Variants in NOL4 observed in about 807,000 individuals in gnomAD.
The protein encoded by NOL4 is nucleolar protein 4, also known as cancer/testis antigen 125.
A neutral mutation model predicts 75.9 loss-of-function variants in NOL4; 17 were observed. The ratio of observed to expected loss-of-function variants is 0.22; its 90% CI spans 0.15 to 0.34. The LOEUF (loss-of-function observed/expected upper bound fraction) is 0.34, where lower values mean the gene tolerates loss of function less well. Ranked by LOEUF, NOL4 falls within the 10% of genes least tolerant of loss-of-function variation. NOL4 has a pLI of 1.00. For missense variants in NOL4, 614 were observed against 793.5 expected, an observed-to-expected ratio of 0.77 and a Z score of 2.72; for synonymous variants, 292 against 289.9, an observed-to-expected ratio of 1.01 and a Z score of -0.07.
chr18:34,100,495 A>G (rs948571902), intron 4 of NOL4, among the ~76,000 whole-genome samples: 2 of 152,164 alleles, frequency 1.3e-5, no homozygotes, highest in African/African-American at 4.8e-5. Context: ...TTTAATTTTC[A>G]GACTTCAGTA....
intron 5 of NOL4, among the ~76,000 whole-genome samples, chr18:34,088,591 A>G (rs757721487): frequency 3.3e-5 from 5 of 152,092 alleles, no homozygotes; most frequent in East Asian, 1.9e-4. Context: ...TTCCTTCATA[A>G]TAAGTCCCTT....
chr18:33,924,953 G>A (rs1409121620), intron 9 of NOL4, among the ~76,000 whole-genome samples: 1 of 152,070 alleles, frequency 6.6e-6, no homozygotes, highest in Non-Finnish European at 1.5e-5. Flanking sequence ...GGACAGCTGT[G>A]CCACTCTCAA....
chr18:34,000,136 G>A (rs898389586), intron 6 of NOL4, among the ~76,000 whole-genome samples: 3 of 152,096 alleles, frequency 2.0e-5, no homozygotes, highest in African/African-American at 7.2e-5. Flanking sequence ...TCCAGGTTAG[G>A]TAGATAACAA....
intron 5 of NOL4, chr18:34,048,568 C>T (rs188961678): frequency 1.0e-6 from 1 of 985,368 alleles, no homozygotes; most frequent in Non-Finnish European, 1.2e-6. Flanking sequence ...TCTGACTTCC[C>T]CTAAATTCTC....
At chr18:33,898,958 G>A (rs1053944646) in intron 9 of NOL4, among the ~76,000 whole-genome samples, 2 of 152,084 alleles carry the variant, frequency 1.3e-5, no homozygotes, top group African/African-American at 2.4e-5. Flanking sequence ...AATTTTGCCT[G>A]TAACCTCACA....
At chr18:33,885,940 T>C (rs1244163708) in intron 9 of NOL4, among the ~76,000 whole-genome samples, 1 of 152,148 alleles carries the variant, frequency 6.6e-6, no homozygotes, top group African/African-American at 2.4e-5. Context: ...AAAGGATGAA[T>C]GAATACAGAA....
At chr18:34,078,028 T>C (rs552786808) in intron 5 of NOL4, among the ~76,000 whole-genome samples, 52 of 152,190 alleles carry the variant, frequency 3.4e-4, no homozygotes, top group Non-Finnish European at 5.7e-4. Context: ...AAATTCACTT[T>C]TCTCATCATA....
intron 8 of NOL4, among the ~76,000 whole-genome samples, chr18:33,953,232 G>A (rs1568118810): frequency 6.6e-6 from 1 of 150,924 alleles, no homozygotes; most frequent in South Asian, 2.1e-4. Flanking sequence ...TTTCTTTTGT[G>A]TAGGATATTT....
At chr18:34,154,652 GTT>G (rs552086110) in intron 1 of NOL4, among the ~76,000 whole-genome samples, 5 of 151,046 alleles carry the variant, frequency 3.3e-5, no homozygotes, top group Non-Finnish European at 7.4e-5. Flanking sequence ...TTTCATTCGT[GTT>G]TTTTTTGTGC....
chr18:33,890,727 T>G (rs1384729233), intron 9 of NOL4, among the ~76,000 whole-genome samples: 2 of 152,122 alleles, frequency 1.3e-5, no homozygotes, highest in Non-Finnish European at 2.9e-5. Context: ...GGAGTTTAAC[T>G]TATTAGACAT....
chr18:33,865,709 A>G (rs553305641), intron 10 of NOL4, among the ~76,000 whole-genome samples: 5 of 152,254 alleles, frequency 3.3e-5, no homozygotes, highest in South Asian at 2.1e-4. Flanking sequence ...TAGAGAAAAG[A>G]TTGATACTAC....
intron 10 of NOL4, among the ~76,000 whole-genome samples, chr18:33,879,270 T>C (rs539884033): frequency 5.9e-5 from 9 of 152,128 alleles, no homozygotes; most frequent in Non-Finnish European, 1.2e-4. Flanking sequence ...TAAACTTTTT[T>C]TAAAAAGTTA....
intron 10 of NOL4, among the ~76,000 whole-genome samples, chr18:33,881,625 C>T (rs1000056546): frequency 1.3e-5 from 2 of 151,902 alleles, no homozygotes; most frequent in African/African-American, 2.4e-5. Flanking sequence ...AATGGCCATA[C>T]TGCCCAAGGT....
chr18:34,192,364 C>T (rs1281777677), intron 1 of NOL4, among the ~76,000 whole-genome samples: 1 of 152,050 alleles, frequency 6.6e-6, no homozygotes, highest in South Asian at 2.1e-4. Flanking sequence ...AAAAAATTTC[C>T]TAAAATTTGT....
chr18:34,164,032 A>G (rs2031948999), intron 1 of NOL4, among the ~76,000 whole-genome samples: 1 of 152,236 alleles, frequency 6.6e-6, no homozygotes, highest in Non-Finnish European at 1.5e-5. Context: ...AAAACTGGCT[A>G]GCCATACATA....
At chr18:34,093,736 A>T (rs1385159671) in intron 4 of NOL4, 139 bp from the exon 5 acceptor site, 2 of 635,814 alleles carry the variant, frequency 3.1e-6, no homozygotes, top group African/African-American at 3.8e-5. Flanking sequence ...AAACTAATAG[A>T]TGTTTAAAAT....
At chr18:33,975,480 G>A (rs1013887601) in intron 6 of NOL4, among the ~76,000 whole-genome samples, 6 of 152,036 alleles carry the variant, frequency 3.9e-5, no homozygotes, top group Non-Finnish European at 1.5e-5. Context: ...CAATACAATG[G>A]GGTTGTTAAA....
chr18:33,904,169 T>A (rs907866001), intron 9 of NOL4, among the ~76,000 whole-genome samples: 2 of 152,140 alleles, frequency 1.3e-5, no homozygotes, highest in Non-Finnish European at 2.9e-5. Context: ...AATTATTAAC[T>A]AGCTTTAAGT....
chr18:33,969,758 CA>C (rs5823932), intron 6 of NOL4, among the ~76,000 whole-genome samples: 5,496 of 140,852 alleles, frequency 0.039, 145 homozygotes, highest in South Asian at 0.072. Flanking sequence ...AGTGCTTGTC[CA>C]AAAAAAAAAA....
Sources: allele counts gnomAD v4.1 joint callset (sites outside exome capture counted in the v4.1 genomes callset), GRCh38; gene constraint gnomAD v4.1.1; transcripts MANE v1.5; gene names NCBI Gene and HGNC (gene_info 2026-07-23, HGNC 2026-07-21).